LRSAM1: variants seen among roughly 807,000 people sequenced by gnomAD.
LRSAM1 encodes leucine rich repeat and sterile alpha motif containing 1.
LRSAM1 carries 96 observed loss-of-function variants against 118.1 expected under a neutral mutation model. The observed-to-expected ratio is 0.81, with a 90% CI of 0.69 to 0.96. The LOEUF (loss-of-function observed/expected upper bound fraction) is 0.96. Ranked by LOEUF, LRSAM1 falls within the 40% of genes least tolerant of loss-of-function variation. The probability of loss-of-function intolerance (pLI) is 0.00; values close to 1 mark genes in which losing one functional copy is unlikely to be tolerated. For synonymous variants in LRSAM1, 322 were observed against 364.2 expected (o/e 0.88, Z 1.32); for missense variants, 804 against 915.5 (o/e 0.88, Z 1.57).
intron 10 of LRSAM1, among the ~76,000 whole-genome samples, chr9:127,469,556 T>C (rs1835086240): frequency 6.7e-6 from 1 of 148,422 alleles, no homozygotes; most frequent in South Asian, 2.1e-4. Flanking sequence ...AATGGGAAAA[T>C]GCAAATTAAA....
chr9:127,471,363 C>T (rs558964413), intron 10 of LRSAM1, among the ~76,000 whole-genome samples: 3 of 147,862 alleles, frequency 2.0e-5, no homozygotes, highest in South Asian at 4.4e-4. Context: ...GCCAGCTGCT[C>T]GGGAGTCTTA....
intron 11 of LRSAM1, among the ~76,000 whole-genome samples, chr9:127,475,045 A>ATTT (rs1448005388): frequency 8.3e-6 from 1 of 119,940 alleles, no homozygotes; most frequent in Admixed American, 7.8e-5. Context: ...TGCATTTGGG[A>ATTT]TTTTATTATT....
chr9:127,456,550 C>T (rs1175421595), intron 5 of LRSAM1, among the ~76,000 whole-genome samples: 1 of 152,022 alleles, frequency 6.6e-6, no homozygotes, highest in African/African-American at 2.4e-5. Context: ...AGTGTTGGGC[C>T]GCAGTCAATG....
chr9:127,499,191 A>AGG (rs1006235885), intron 24 of LRSAM1, among the ~76,000 whole-genome samples: 1 of 152,052 alleles, frequency 6.6e-6, no homozygotes, highest in Non-Finnish European at 1.5e-5. Flanking sequence ...TGGGCGACAT[A>AGG]GGGAGACCCC....
At chr9:127,469,191 T>C (rs1004911091) in intron 10 of LRSAM1, among the ~76,000 whole-genome samples, 9 of 151,402 alleles carry the variant, frequency 5.9e-5, no homozygotes, top group Non-Finnish European at 1.3e-4. Context: ...CAAGAGAATA[T>C]CCACACGGTG....
intron 8 of LRSAM1, among the ~76,000 whole-genome samples, chr9:127,461,899 G>A (rs750936430): frequency 2.6e-5 from 4 of 152,190 alleles, no homozygotes; most frequent in African/African-American, 4.8e-5. Flanking sequence ...CAACAGTGGC[G>A]CCCCATTGCT....
chr9:127,469,657 A>G (rs1415200371), intron 10 of LRSAM1, among the ~76,000 whole-genome samples: 1 of 151,804 alleles, frequency 6.6e-6, no homozygotes, highest in African/African-American at 2.4e-5. Flanking sequence ...TGACAAGTCA[A>G]CCAGAAATAA....
rs1003745469 is a variant in LRSAM1 at position 127,454,902 on chromosome 9, C to T, written c.73-96C>T. ...GTGGAACCAGATAGTGTCTATGGTC[C>T]TTTGCAGCTGCTTACATTTATGTTC... On this transcript the variant is annotated intron_variant, in intron 3 of 25. Coordinates refer to ENST00000300417, the MANE Select transcript of LRSAM1 (RefSeq NM_001005373.4). 1.5e-5 allele frequency: 18 copies of T among 1,214,248 alleles called. No homozygotes were observed. In the African/African-American group the frequency reaches 2.1e-4, roughly 14 times the overall value. 75.2% of individuals were successfully genotyped at this position (1,214,248 alleles called of 1,614,324 possible). A position where few individuals can be genotyped will look rare whatever the true frequency, so the allele number is the denominator to read the frequency against.
At chr9:127,498,663 G>A (rs943538753) in intron 24 of LRSAM1, among the ~76,000 whole-genome samples, 2 of 152,304 alleles carry the variant, frequency 1.3e-5, no homozygotes, top group Non-Finnish European at 1.5e-5. Context: ...CAGGGGAAGG[G>A]GCCATGGTGG....
chr9:127,476,381 A>G (rs1835350996), intron 11 of LRSAM1, among the ~76,000 whole-genome samples: 1 of 152,078 alleles, frequency 6.6e-6, no homozygotes, highest in Admixed American at 6.6e-5. Context: ...CCCTGTCTCT[A>G]CAAAAAATAC....
chr9:127,459,031 C>T lies in LRSAM1; in HGVS notation c.281C>T (p.Thr94Ile), dbSNP rs879022883. The change falls in exon 7 of 26, where the codon ACA (threonine) becomes ATA (isoleucine). Residue 94 changes from threonine (T) to isoleucine (I), a missense_variant. Coordinates refer to ENST00000300417, the MANE Select transcript of LRSAM1 (RefSeq NM_001005373.4). ...KVLDLHDNQL[T>I]ALPDDLGQLT... ...CTAGATCTCCACGATAATCAGCTGA[C>T]AGCCCTTCCTGACGATCTGGGGCAG... 2 of 1,613,854 alleles carry T rather than the reference C, an allele frequency of 1.2e-6. No individual in the cohort carries two copies. The highest frequency in any genetic ancestry group is 2.2e-5 in the South Asian group (2 of 91,076).
chr9:127,473,992 G>A (rs923057515), intron 11 of LRSAM1, 61 bp downstream of exon 11: 15 of 1,610,946 alleles, frequency 9.3e-6, no homozygotes, highest in Non-Finnish European at 1.3e-5. Context: ...ATGTATGTGT[G>A]TTGAGGGAGC....
chr9:127,492,655 C>A (rs1469962128), intron 20 of LRSAM1, 147 bp from the exon 21 acceptor site: 2 of 729,126 alleles, frequency 2.7e-6, no homozygotes, highest in East Asian at 2.7e-5. Flanking sequence ...GGCAGAAGGG[C>A]CTCTTAGCTT....
intron 7 of LRSAM1, among the ~76,000 whole-genome samples, chr9:127,459,415 C>T (rs897683374): frequency 1.3e-4 from 20 of 151,918 alleles, no homozygotes; most frequent in Non-Finnish European, 2.5e-4. Flanking sequence ...GATGGTGTTT[C>T]GCCTTGTTGG....
chr9:127,494,904 G>T (rs1051060708), intron 21 of LRSAM1, among the ~76,000 whole-genome samples: 2 of 152,178 alleles, frequency 1.3e-5, no homozygotes, highest in East Asian at 3.9e-4. Context: ...ACCAAGTGCT[G>T]TCCACCCGCT....
In LRSAM1 at chr9:127,463,130, C is replaced by T. The variant is rs761243064; in HGVS notation, c.528+757C>T. 4.9e-5 allele frequency among the ~76,000 whole-genome samples: 7 copies of T among 144,170 alleles called. No individual in the cohort carries two copies. In the South Asian group the frequency reaches 9.0e-4, roughly 19 times the overall value. 94.6% of individuals were successfully genotyped at this position (144,170 alleles called of 152,430 possible). A position where few individuals can be genotyped will look rare whatever the true frequency, so the allele number is the denominator to read the frequency against. ...AGGAGAATTGCTTGAACCCGGGAGG[C>T]GGAGATTGCAGTGAGCCGAGATTGC... On this transcript the variant is annotated intron_variant, in intron 9 of 25. Transcript: ENST00000300417.
intron 20 of LRSAM1, 54 bp from the exon 21 acceptor site, chr9:127,492,748 G>A: frequency 1.9e-6 from 3 of 1,539,434 alleles, no homozygotes; most frequent in Non-Finnish European, 1.8e-6. Context: ...GCCACTGCGG[G>A]ACTCCTGCGC....
intron 20 of LRSAM1, among the ~76,000 whole-genome samples, chr9:127,491,652 A>G (rs1539564): frequency 0.43 from 65,994 of 152,148 alleles, 15,123 homozygotes; most frequent in Non-Finnish European, 0.5. Context: ...GCCCCCAGGC[A>G]CACATCCTCC....
Position 127,459,052 on chromosome 9 carries a change from G to A in LRSAM1, c.302G>A (p.Gly101Glu). 6.2e-7 allele frequency: 1 copy of A among 1,613,702 alleles called. No individual in the cohort carries two copies. The highest frequency in any genetic ancestry group is 8.5e-7 in the Non-Finnish European group (1 of 1,180,028). The change falls in exon 7 of 26, where the codon GGG (glycine) becomes GAG (glutamate). Residue 101 changes from glycine to glutamate, a missense_variant. Coordinates refer to ENST00000300417, the MANE Select transcript of LRSAM1 (RefSeq NM_001005373.4). ...NQLTALPDDL[G>E]QLTALQVLNV... ...CTGACAGCCCTTCCTGACGATCTGG[G>A]GCAGCTGACTGCCCTCCAGGTAAGG...
Sources: allele counts gnomAD v4.1 joint callset (sites outside exome capture counted in the v4.1 genomes callset), GRCh38; gene constraint gnomAD v4.1.1; transcripts MANE v1.5; gene names NCBI Gene and HGNC (gene_info 2026-07-23, HGNC 2026-07-21).